The following RAP1A variants were observed in gnomAD, a reference collection of about 807,000 sequenced individuals.
RAP1A encodes the protein RAP1A, member of RAS oncogene family.
Under a neutral mutation model 26.4 loss-of-function variants are expected in RAP1A, and 6 were observed. The observed-to-expected ratio is 0.23, with a 90% CI of 0.12 to 0.45. The LOEUF is 0.45. Ranked by LOEUF, RAP1A falls within the 20% of genes least tolerant of loss-of-function variation. The probability of loss-of-function intolerance (pLI) is 0.99; values close to 1 mark genes in which losing one functional copy is unlikely to be tolerated. For missense variants in RAP1A, 121 were observed against 217.2 expected (o/e 0.56, Z 2.78); for synonymous variants, 73 against 79.4 (o/e 0.92, Z 0.43).
chr1:111,655,592 C>G (rs1477271265), intron 1 of RAP1A, among the ~76,000 whole-genome samples: 1 of 149,536 alleles, frequency 6.7e-6, no homozygotes, highest in Non-Finnish European at 1.5e-5. Context: ...GGGACCCACA[C>G]ATTCCTGATT....
chr1:111,557,292 T>TGTGGTGGCTAGGATTACAG (rs1657533414), intron 1 of RAP1A, among the ~76,000 whole-genome samples: 2 of 152,216 alleles, frequency 1.3e-5, no homozygotes, highest in Non-Finnish European at 2.9e-5. Context: ...CTCACGCCTG[T>TGTGGTGGCTAGGATTACAG]AATCCTAGCA....
chr1:111,669,026 GAAAAAA>G (rs58557062), intron 1 of RAP1A, among the ~76,000 whole-genome samples: 1 of 19,846 alleles, frequency 5.0e-5, no homozygotes, highest in Admixed American at 6.2e-4. Flanking sequence ...CCTATCTCAA[GAAAAAA>G]AAAAAAAAAA....
intron 1 of RAP1A, among the ~76,000 whole-genome samples, chr1:111,677,988 T>A (rs1661179063): frequency 6.6e-6 from 1 of 152,258 alleles, no homozygotes; most frequent in Non-Finnish European, 1.5e-5. Flanking sequence ...CTGGACTTAA[T>A]TTGGTTTCCC....
At chr1:111,659,820 T>C (rs1660577569) in intron 1 of RAP1A, among the ~76,000 whole-genome samples, 1 of 152,154 alleles carries the variant, frequency 6.6e-6, no homozygotes, top group South Asian at 2.1e-4. Context: ...CATTTACAAC[T>C]AAGCCAAGCC....
At chr1:111,593,220 G>C (rs1658501643) in intron 1 of RAP1A, among the ~76,000 whole-genome samples, 1 of 152,116 alleles carries the variant, frequency 6.6e-6, no homozygotes, top group South Asian at 2.1e-4. Context: ...AAATCAGCTA[G>C]ACAAGTCGCC....
upstream of RAP1A, among the ~76,000 whole-genome samples, chr1:111,617,772 A>C (rs1659044669): frequency 6.9e-6 from 1 of 144,980 alleles, no homozygotes; most frequent in South Asian, 2.5e-4. Context: ...AGCTGGGCGC[A>C]GTGGCTCACA....
chr1:111,575,730 C>A (rs2101057702), intron 1 of RAP1A, among the ~76,000 whole-genome samples: 1 of 152,220 alleles, frequency 6.6e-6, no homozygotes, highest in Admixed American at 6.5e-5. Context: ...TAGGAGACAC[C>A]AAACCTGCTG....
At chr1:111,568,532 C>T (rs563122185) in intron 1 of RAP1A, among the ~76,000 whole-genome samples, 15 of 152,180 alleles carry the variant, frequency 9.9e-5, no homozygotes, top group South Asian at 2.1e-4. Flanking sequence ...CACTGGGATT[C>T]GCATTTTTCA....
At chr1:111,692,234 G>A (rs1454490197) in intron 2 of RAP1A, among the ~76,000 whole-genome samples, 1 of 152,112 alleles carries the variant, frequency 6.6e-6, no homozygotes, top group Admixed American at 6.5e-5. Context: ...CTAATTTTAT[G>A]GATGGATTAA....
At chr1:111,632,886 A>C (rs1659612716) in intron 1 of RAP1A, among the ~76,000 whole-genome samples, 1 of 144,864 alleles carries the variant, frequency 6.9e-6, no homozygotes, top group Non-Finnish European at 1.5e-5. Context: ...GTGCCATTGC[A>C]CTGCAGCCTG....
chr1:111,577,141 G>T (rs946887581), intron 1 of RAP1A, among the ~76,000 whole-genome samples: 2 of 152,056 alleles, frequency 1.3e-5, no homozygotes, highest in African/African-American at 4.8e-5. Context: ...GGTGGCTCAC[G>T]CCTGTAATCC....
intron 1 of RAP1A, among the ~76,000 whole-genome samples, chr1:111,611,324 T>C (rs1658923699): frequency 6.6e-6 from 1 of 152,208 alleles, no homozygotes; most frequent in African/African-American, 2.4e-5. Flanking sequence ...GGAAACCTGA[T>C]GATATTGTAC....
chr1:111,558,889 T>G (rs1657621557), intron 1 of RAP1A, among the ~76,000 whole-genome samples: 1 of 152,166 alleles, frequency 6.6e-6, no homozygotes, highest in South Asian at 2.1e-4. Flanking sequence ...CACCATAAGT[T>G]TGATCCAACT....
chr1:111,629,179 C>G (rs1313511448), intron 1 of RAP1A, among the ~76,000 whole-genome samples: 1 of 152,002 alleles, frequency 6.6e-6, no homozygotes, highest in African/African-American at 2.4e-5. Context: ...TAAGCAGCTT[C>G]TAAGTAAAAT....
intron 1 of RAP1A, among the ~76,000 whole-genome samples, chr1:111,599,219 T>G (rs568497920): frequency 2.0e-5 from 3 of 152,130 alleles, no homozygotes; most frequent in Non-Finnish European, 2.9e-5. Flanking sequence ...TGTTGTTGTT[T>G]TTTTGAGATG....
chr1:111,591,589 G>A (rs1658472299), intron 1 of RAP1A, among the ~76,000 whole-genome samples: 1 of 152,112 alleles, frequency 6.6e-6, no homozygotes, highest in African/African-American at 2.4e-5. Flanking sequence ...TATTCCTAAA[G>A]TTATTTAGAA....
At chr1:111,640,907 T>A (rs1659869831) in intron 1 of RAP1A, among the ~76,000 whole-genome samples, 1 of 152,102 alleles carries the variant, frequency 6.6e-6, no homozygotes, top group Non-Finnish European at 1.5e-5. Flanking sequence ...GAGGCTGCAG[T>A]GAGCCATGAT....
intron 1 of RAP1A, among the ~76,000 whole-genome samples, chr1:111,663,626 T>G (rs1660703795): frequency 6.6e-6 from 1 of 152,218 alleles, no homozygotes; most frequent in Non-Finnish European, 1.5e-5. Flanking sequence ...TCACCACATT[T>G]TAAAGATTGC....
chr1:111,677,503 G>A lies in RAP1A; in HGVS notation c.-27-13831G>A, dbSNP rs763741. Among the ~76,000 whole-genome samples the A allele has an allele frequency of 3.2e-3, 486 of 152,286 alleles. 4 individuals are homozygous for A. The highest frequency in any genetic ancestry group is 0.011 in the African/African-American group (473 of 41,564). On this transcript the variant is annotated intron_variant, in intron 1 of 7. Coordinates refer to ENST00000369709, the MANE Select transcript of RAP1A (RefSeq NM_002884.4). ...CAGGGATTTGAGAGTGACTTGGTTG[G>A]AGGGTTCTAGCTCATGATATCTCAC...
Sources: allele counts gnomAD v4.1 joint callset (sites outside exome capture counted in the v4.1 genomes callset), GRCh38; gene constraint gnomAD v4.1.1; transcripts MANE v1.5; gene names NCBI Gene and HGNC (gene_info 2026-07-23, HGNC 2026-07-21).